SYT16: variants seen among roughly 807,000 people sequenced by gnomAD.
SYT16 encodes the protein synaptotagmin-16.
A neutral mutation model predicts 61.4 loss-of-function variants in SYT16; 42 were observed. The ratio of observed to expected loss-of-function variants is 0.68; its 90% CI spans 0.53 to 0.89. SYT16 has a LOEUF of 0.89. Among genes scored for constraint, SYT16 ranks in the 40% least tolerant of loss-of-function variants. The pLI is 0.00. For synonymous variants in SYT16, 314 were observed against 302.3 expected (o/e 1.04, Z -0.40); for missense variants, 804 against 807.3 (o/e 1.00, Z 0.05).
At chr14:62,085,124 T>A (rs1344489989) in intron 7 of SYT16, among the ~76,000 whole-genome samples, 1 of 152,224 alleles carries the variant, frequency 6.6e-6, no homozygotes, top group African/African-American at 2.4e-5. Context: ...CTCAAAAAGC[T>A]GCTGTTTTCA....
intron 1 of SYT16, among the ~76,000 whole-genome samples, chr14:61,872,074 C>G (rs773939778): frequency 6.6e-6 from 1 of 152,188 alleles, no homozygotes; most frequent in South Asian, 2.1e-4. Context: ...TAGTAGTTAT[C>G]AATAGTTTCA....
chr14:61,882,778 C>T (rs1277569498), intron 1 of SYT16, among the ~76,000 whole-genome samples: 1 of 152,212 alleles, frequency 6.6e-6, no homozygotes, highest in Non-Finnish European at 1.5e-5. Context: ...AAGTTAGTTA[C>T]TTTCTAGATA....
intron 4 of SYT16, among the ~76,000 whole-genome samples, chr14:62,071,012 C>G (rs1365345108): frequency 6.6e-6 from 1 of 152,152 alleles, no homozygotes; most frequent in Non-Finnish European, 1.5e-5. Flanking sequence ...TAATTTTCAG[C>G]AGGAATAACT....
chr14:61,986,255 A>T (rs941549055), intron 2 of SYT16, among the ~76,000 whole-genome samples: 2 of 151,968 alleles, frequency 1.3e-5, no homozygotes, highest in Non-Finnish European at 2.9e-5. Context: ...TTTAATATAG[A>T]AAATACAGAA....
intron 1 of SYT16, among the ~76,000 whole-genome samples, chr14:61,935,577 G>C (rs1222014664): frequency 6.6e-6 from 1 of 152,148 alleles, no homozygotes; most frequent in Non-Finnish European, 1.5e-5. Flanking sequence ...TAAGAAAACC[G>C]ATCTAGTTGT....
At chr14:61,832,145 C>T (rs778824831) in intron 1 of SYT16, 8 of 704,376 alleles carry the variant, frequency 1.1e-5, no homozygotes, top group African/African-American at 1.7e-5. Context: ...CTTTCCCATC[C>T]GTGGAGCGGT....
chr14:62,042,746 C>G (rs1006803016), intron 3 of SYT16, among the ~76,000 whole-genome samples: 2 of 152,198 alleles, frequency 1.3e-5, no homozygotes, highest in Non-Finnish European at 2.9e-5. Flanking sequence ...AATACTGTTT[C>G]TGTGAGCTCT....
At chr14:61,922,924 C>G (rs2049389336) in intron 1 of SYT16, among the ~76,000 whole-genome samples, 1 of 151,974 alleles carries the variant, frequency 6.6e-6, no homozygotes. Flanking sequence ...TGGCAGGTGC[C>G]TGTAATCCCA....
At chr14:62,100,365 C>G (rs879039426) in intron 7 of SYT16, 29 bp from the exon 8 acceptor site, 2 of 1,528,830 alleles carry the variant, frequency 1.3e-6, no homozygotes. Flanking sequence ...TCTTATCATC[C>G]CCACCCCACC....
At chr14:62,100,091 C>T (rs2057382400) in intron 7 of SYT16, among the ~76,000 whole-genome samples, 1 of 152,200 alleles carries the variant, frequency 6.6e-6, no homozygotes, top group South Asian at 2.1e-4. Flanking sequence ...CCCACAAGCA[C>T]CATTGCACGT....
intron 1 of SYT16, among the ~76,000 whole-genome samples, chr14:61,844,062 C>G (rs1008933305): frequency 2.0e-5 from 3 of 151,824 alleles, no homozygotes; most frequent in Non-Finnish European, 4.4e-5. Context: ...TTTTTTGGTG[C>G]CTTCTTCAAT....
intron 1 of SYT16, among the ~76,000 whole-genome samples, chr14:61,937,586 T>G (rs1014506920): frequency 2.6e-5 from 4 of 152,214 alleles, no homozygotes; most frequent in African/African-American, 9.7e-5. Flanking sequence ...AATTTCTTGA[T>G]GTACAGCCAC....
At chr14:62,082,270 G>T (rs1305202833) in intron 6 of SYT16, among the ~76,000 whole-genome samples, 1 of 152,082 alleles carries the variant, frequency 6.6e-6, no homozygotes, top group East Asian at 1.9e-4. Flanking sequence ...GGACTGTAGT[G>T]GTGGCAGATC....
chr14:61,829,886 C>T (rs1350095901), intron 1 of SYT16, among the ~76,000 whole-genome samples: 1 of 152,252 alleles, frequency 6.6e-6, no homozygotes, highest in Non-Finnish European at 1.5e-5. Context: ...GATCTCCTGA[C>T]CTCGTGATCC....
intron 3 of SYT16, among the ~76,000 whole-genome samples, chr14:61,996,934 T>TAG (rs2052796040): frequency 6.6e-6 from 1 of 152,116 alleles, no homozygotes; most frequent in Non-Finnish European, 1.5e-5. Context: ...CAAAAAGCCG[T>TAG]ACTTATCGCA....
intron 2 of SYT16, among the ~76,000 whole-genome samples, chr14:61,977,916 AG>A (rs924648636): frequency 6.6e-6 from 1 of 152,204 alleles, no homozygotes; most frequent in Non-Finnish European, 1.5e-5. Flanking sequence ...AGGTGTCAGC[AG>A]GGCCACGATC....
At chr14:61,924,271 C>G (rs563003703) in intron 1 of SYT16, among the ~76,000 whole-genome samples, 2 of 152,292 alleles carry the variant, frequency 1.3e-5, no homozygotes, top group East Asian at 3.9e-4. Context: ...TAATGGTTGG[C>G]AGGTCTCTGA....
chr14:62,024,983 C>A (rs1407556405), intron 3 of SYT16, among the ~76,000 whole-genome samples: 1 of 152,032 alleles, frequency 6.6e-6, no homozygotes, highest in Non-Finnish European at 1.5e-5. Flanking sequence ...CTTTTCAGGG[C>A]TGTATAATAT....
chr14:61,820,935 TTC>T (rs1260393090), intron 1 of SYT16, among the ~76,000 whole-genome samples: 1 of 152,182 alleles, frequency 6.6e-6, no homozygotes, highest in African/African-American at 2.4e-5. Flanking sequence ...GGAGTAGCCT[TTC>T]TCTGTCTCAG....
Sources: allele counts gnomAD v4.1 joint callset (sites outside exome capture counted in the v4.1 genomes callset), GRCh38; gene constraint gnomAD v4.1.1; transcripts MANE v1.5; gene names NCBI Gene and HGNC (gene_info 2026-07-23, HGNC 2026-07-21).